Variants in TAGLN3 observed in about 807,000 individuals in gnomAD.
TAGLN3 encodes the protein transgelin 3.
TAGLN3 carries 12 observed loss-of-function variants against 25.4 expected under a neutral mutation model. The ratio of observed to expected loss-of-function variants is 0.47; its 90% CI spans 0.30 to 0.77. The LOEUF (loss-of-function observed/expected upper bound fraction) is 0.77. TAGLN3 is among the 30% of genes least tolerant of loss of function. The pLI is 0.06. For missense variants in TAGLN3, 218 were observed against 255.8 expected (o/e 0.85, Z 1.01); for synonymous variants, 96 against 94.8 (o/e 1.01, Z -0.08).
rs1335258739 is a variant in TAGLN3 at position 111,999,467 on chromosome 3, G to C, written c.45G>C (p.Gln15His). 6.2e-7 allele frequency: 1 copy of C among 1,614,096 alleles called. No homozygotes were observed. Among genetic ancestry groups the C allele is most frequent in the Non-Finnish European group, 8.5e-7 (1 of 1,180,032 alleles). Residue 15 changes from glutamine to histidine, a missense_variant, in exon 2 of 5, where the codon CAG becomes CAC. Gln to His is a conservative substitution (Grantham distance 24, BLOSUM62 0). Coordinates refer to ENST00000478951, the MANE Select transcript of TAGLN3 (RefSeq NM_001008272.2). ...GPSYGLSREV[Q>H]EKIEQKYDAD... Reference sequence around the variant, plus strand: ...GCTATGGCTTAAGCCGAGAGGTGCAGGAGAAGATCGAGCAGAAGTATGATG... The same window carrying C: ...GCTATGGCTTAAGCCGAGAGGTGCACGAGAAGATCGAGCAGAAGTATGATG...
At position 112,000,929 on chromosome 3, in the gene TAGLN3, C is replaced by T. The variant is rs779361155; in HGVS notation, c.338C>T (p.Thr113Met). Reference sequence around the variant, plus strand: ...GTCAGAACCACCGACATCTTTCAGACGGTGGATCTATGGGAAGGTAAACAG... The same window carrying T: ...GTCAGAACCACCGACATCTTTCAGATGGTGGATCTATGGGAAGGTAAACAG... ...YGVRTTDIFQTVDLWEGKDMA... is the reference protein window; with the variant it reads ...YGVRTTDIFQMVDLWEGKDMA... Residue 113 changes from threonine to methionine, a missense_variant, in exon 3 of 5, where the codon ACG (threonine) becomes ATG (methionine). Transcript: ENST00000478951. 7.4e-6 allele frequency: 12 copies of T among 1,613,888 alleles called. No homozygotes were observed. Among genetic ancestry groups the T allele is most frequent in the Admixed American group, 1.7e-5 (1 of 59,998 alleles).
chr3:112,002,652 C>CT (rs397731688), intron 3 of TAGLN3, among the ~76,000 whole-genome samples: 3 of 151,016 alleles, frequency 2.0e-5, no homozygotes, highest in African/African-American at 7.3e-5. Flanking sequence ...GTCCCCCCCC[C>CT]ACCCCACAAA....
At chr3:112,008,377 C>T (rs1050495700) in intron 3 of TAGLN3, among the ~76,000 whole-genome samples, 1 of 152,116 alleles carries the variant, frequency 6.6e-6, no homozygotes, top group Admixed American at 6.5e-5. Flanking sequence ...TGCAGTGGTG[C>T]AATCATAGGT....
chr3:112,001,777 A>G (rs189080088), intron 3 of TAGLN3, among the ~76,000 whole-genome samples: 15 of 152,320 alleles, frequency 9.8e-5, no homozygotes, highest in African/African-American at 2.9e-4. Flanking sequence ...TAGTGGCCCA[A>G]CCAACAGGAT....
At chr3:112,002,972 G>A (rs2072878126) in intron 3 of TAGLN3, among the ~76,000 whole-genome samples, 1 of 152,052 alleles carries the variant, frequency 6.6e-6, no homozygotes, top group African/African-American at 2.4e-5. Context: ...CAGGGCCGTG[G>A]ACCAGTCAGC....
At chr3:112,013,141 T>C (rs2072997077) in intron 4 of TAGLN3, among the ~76,000 whole-genome samples, 1 of 152,098 alleles carries the variant, frequency 6.6e-6, no homozygotes, top group East Asian at 1.9e-4. Context: ...CACCTGGGCT[T>C]CTAAAAGATA....
chr3:112,000,828 G>A lies in TAGLN3; in HGVS notation c.237G>A (p.Lys79=), dbSNP rs560100380. 6.2e-7 allele frequency: 1 copy of A among 1,614,180 alleles called. No individual in the cohort carries two copies. The highest frequency in any genetic ancestry group is 1.7e-5 in the Admixed American group (1 of 60,028). The change falls in exon 3 of 5, where the codon AAG becomes AAA. Residue 79 remains lysine (K), a synonymous_variant. Transcript: ENST00000478951. The part of the protein sequence containing the change: ...LYPPGQEPIP[K]ISESKMAFKQ... ...CACCAGGACAAGAGCCCATACCCAA[G>A]ATCTCAGAGTCAAAGATGGCTTTTA...
chr3:112,000,443 A>G lies in TAGLN3; in HGVS notation c.181-329A>G, dbSNP rs1242623479. ...ATTCCTCCTTTGAAAGTCTAGAATC[A>G]CGTCCTCATCACGTCACATCATTCC... On this transcript the variant is annotated intron_variant, in intron 2 of 4. Transcript: ENST00000478951. The G allele has an allele frequency of 9.2e-5, 19 of 206,848 alleles. No individual in the cohort carries two copies. In the Admixed American group the frequency reaches 1.1e-3, roughly 11 times the overall value. The allele number at this position is 206,848 out of a possible 1,614,324, so 12.8% of individuals were successfully genotyped here.
rs967649586 is a variant in TAGLN3 at position 112,000,930 on chromosome 3, G to A, written c.339G>A (p.Thr113=). 6.8e-6 allele frequency: 11 copies of A among 1,613,792 alleles called. No individual in the cohort carries two copies. The highest frequency in any genetic ancestry group is 3.3e-5 in the South Asian group (3 of 91,052). ...YGVRTTDIFQ[T]VDLWEGKDMA... ...TCAGAACCACCGACATCTTTCAGAC[G>A]GTGGATCTATGGGAAGGTAAACAGC... The change falls in exon 3 of 5, where the codon ACG becomes ACA. Residue 113 remains threonine, a synonymous_variant. Coordinates refer to ENST00000478951, the MANE Select transcript of TAGLN3 (RefSeq NM_001008272.2).
At chr3:112,012,254 CCCTT>C (rs71131995) in intron 4 of TAGLN3, among the ~76,000 whole-genome samples, 4 of 74,134 alleles carry the variant, frequency 5.4e-5, no homozygotes, top group East Asian at 8.3e-4. Flanking sequence ...CTCCCTCCCT[CCCTT>C]CCTTCCTTCC....
At chr3:112,004,939 A>G (rs1347563024) in intron 3 of TAGLN3, among the ~76,000 whole-genome samples, 1 of 152,106 alleles carries the variant, frequency 6.6e-6, no homozygotes, top group Admixed American at 6.5e-5. Context: ...TCTAATACAA[A>G]TGACCAGGCT....
intron 4 of TAGLN3, among the ~76,000 whole-genome samples, chr3:112,012,262 T>TCCTTCCTG (rs1332043094): frequency 8.4e-6 from 1 of 118,570 alleles, no homozygotes; most frequent in Non-Finnish European, 1.7e-5. Flanking sequence ...CTCCCTTCCT[T>TCCTTCCTG]CCTTCCTTCC....
At chr3:112,006,202 A>G (rs2072915602) in intron 3 of TAGLN3, among the ~76,000 whole-genome samples, 1 of 152,164 alleles carries the variant, frequency 6.6e-6, no homozygotes, top group Non-Finnish European at 1.5e-5. Flanking sequence ...CTGTTAAAGC[A>G]CAGACTGCTA....
chr3:112,002,497 G>A (rs556231998), intron 3 of TAGLN3, among the ~76,000 whole-genome samples: 3 of 152,162 alleles, frequency 2.0e-5, no homozygotes, highest in Non-Finnish European at 2.9e-5. Context: ...CACCTACACC[G>A]TGAGTGTGCT....
chr3:112,010,428 C>G (rs2072962814), intron 3 of TAGLN3, among the ~76,000 whole-genome samples: 1 of 152,186 alleles, frequency 6.6e-6, no homozygotes, highest in South Asian at 2.1e-4. Context: ...TATCTCTTCA[C>G]AGAATGAACC....
chr3:112,003,956 ACTAT>A (rs1442962412), intron 3 of TAGLN3, among the ~76,000 whole-genome samples: 1 of 152,168 alleles, frequency 6.6e-6, no homozygotes, highest in Non-Finnish European at 1.5e-5. Context: ...CAGATGTACC[ACTAT>A]CCTTAATCCC....
chr3:111,999,633 G>T, intron 2 of TAGLN3, 31 bp downstream of exon 2: 1 of 1,606,678 alleles, frequency 6.2e-7, no homozygotes, highest in Non-Finnish European at 8.5e-7. Context: ...GGTTGCTGGG[G>T]CGGTGGGCAG....
rs892509628 is a variant in TAGLN3 at position 111,999,665 on chromosome 3, C to A, written c.180+63C>A. 52 of 1,571,868 alleles carry A rather than the reference C, an allele frequency of 3.3e-5. No individual in the cohort carries two copies. In the African/African-American group the frequency reaches 5.3e-4, roughly 16 times the overall value. On this transcript the variant is annotated intron_variant, in intron 2 of 4. Transcript: ENST00000478951. ...GCAGGGAAACCCTCCAGGGCCCTTT[C>A]TTTTAACGTAAGGCTGCGGGAAGAG...
chr3:112,004,436 G>C (rs1301527265), intron 3 of TAGLN3, among the ~76,000 whole-genome samples: 1 of 152,182 alleles, frequency 6.6e-6, no homozygotes, highest in African/African-American at 2.4e-5. Context: ...TAGAGCAAGT[G>C]AGTGTGCTGG....
Sources: allele counts gnomAD v4.1 joint callset (sites outside exome capture counted in the v4.1 genomes callset), GRCh38; gene constraint gnomAD v4.1.1; transcripts MANE v1.5; gene names NCBI Gene and HGNC (gene_info 2026-07-23, HGNC 2026-07-21).